The following OXCT1 variants were observed in gnomAD, a reference collection of about 807,000 sequenced individuals.
OXCT1 encodes the protein 3-oxoacid CoA-transferase 1.
Under a neutral mutation model 69.6 loss-of-function variants are expected in OXCT1, and 27 were observed. That is an observed-to-expected ratio of 0.39 (90% CI 0.29 to 0.54). The LOEUF is 0.54. Among genes scored for constraint, OXCT1 ranks in the 20% least tolerant of loss-of-function variants. The pLI is 0.72. For synonymous variants in OXCT1, 202 were observed against 217.8 expected (o/e 0.93, Z 0.64); for missense variants, 437 against 650.2 (o/e 0.67, Z 3.57).
chr5:41,860,114 G>A (rs1331676461), intron 3 of OXCT1, among the ~76,000 whole-genome samples: 1 of 151,798 alleles, frequency 6.6e-6, no homozygotes, highest in Non-Finnish European at 1.5e-5. Context: ...CATAAGATAT[G>A]TTTAAGAGTT....
chr5:41,851,027 C>T (rs1749149964), intron 4 of OXCT1, among the ~76,000 whole-genome samples: 8 of 152,114 alleles, frequency 5.3e-5, no homozygotes. Context: ...TGGGGCTGGA[C>T]ACCATGGCTC....
intron 7 of OXCT1, among the ~76,000 whole-genome samples, chr5:41,826,577 C>G (rs901849340): frequency 4.0e-5 from 6 of 151,846 alleles, no homozygotes; most frequent in African/African-American, 1.5e-4. Context: ...ATTCTAAAGT[C>G]ATTTGTCTAA....
At chr5:41,816,430 T>C (rs991685311) in intron 7 of OXCT1, among the ~76,000 whole-genome samples, 3 of 152,208 alleles carry the variant, frequency 2.0e-5, no homozygotes, top group African/African-American at 7.2e-5. Context: ...AAATGGCTCT[T>C]AGTACAAGTA....
At chr5:41,799,679 C>T (rs917453046) in intron 11 of OXCT1, among the ~76,000 whole-genome samples, 5 of 152,160 alleles carry the variant, frequency 3.3e-5, no homozygotes, top group African/African-American at 4.8e-5. Context: ...TTAAACCAAG[C>T]AGCAAATATT....
In OXCT1 at chr5:41,781,203, T is replaced by C. The variant is rs551347465; in HGVS notation, c.1248+12800A>G. ...CAGGTGTGAGCCACCAAGGCCGGCT[T>C]ACTGTCTCCCATATCTTATTAACCT... On this transcript the variant is annotated intron_variant, in intron 13 of 16. Coordinates refer to ENST00000196371, the MANE Select transcript of OXCT1 (RefSeq NM_000436.4). Among the ~76,000 whole-genome samples, 48 of 152,168 alleles carry C rather than the reference T, an allele frequency of 3.2e-4. 1 individual carries two copies. In the Middle Eastern group the frequency reaches 0.024, roughly 75 times the overall value.
intron 7 of OXCT1, among the ~76,000 whole-genome samples, chr5:41,808,757 C>T (rs1176540836): frequency 1.3e-5 from 2 of 151,996 alleles, no homozygotes; most frequent in African/African-American, 4.8e-5. Flanking sequence ...ATTTTCTATT[C>T]GAGGTGGAGG....
At chr5:41,742,281 T>A (rs1466511755) in intron 15 of OXCT1, among the ~76,000 whole-genome samples, 5 of 152,198 alleles carry the variant, frequency 3.3e-5, no homozygotes, top group Non-Finnish European at 5.9e-5. Flanking sequence ...TTTAGTGATA[T>A]AAGGTGCAAA....
chr5:41,777,605 C>T (rs553766573), intron 13 of OXCT1, among the ~76,000 whole-genome samples: 2 of 152,210 alleles, frequency 1.3e-5, no homozygotes, highest in South Asian at 4.2e-4. Flanking sequence ...TCTTATTGTT[C>T]CTAATCTGTT....
intron 5 of OXCT1, among the ~76,000 whole-genome samples, chr5:41,845,970 A>G (rs900879252): frequency 4.6e-5 from 7 of 152,162 alleles, no homozygotes; most frequent in African/African-American, 1.7e-4. Context: ...CATTTTAAAA[A>G]TATATGCAGT....
intron 7 of OXCT1, 38 bp from the exon 8 acceptor site, chr5:41,807,476 C>G: frequency 8.5e-7 from 1 of 1,173,698 alleles, no homozygotes; most frequent in Non-Finnish European, 1.3e-6. Context: ...TTAGTGAAAG[C>G]TTAAAGTGAA....
chr5:41,739,696 T>C (rs1203635013), intron 15 of OXCT1: 10 of 417,860 alleles, frequency 2.4e-5, no homozygotes, highest in Non-Finnish European at 3.8e-5. Flanking sequence ...AAACCCCGTC[T>C]CTACTAAAAA....
intron 7 of OXCT1, among the ~76,000 whole-genome samples, chr5:41,825,571 C>A (rs1341650245): frequency 6.6e-6 from 1 of 152,156 alleles, no homozygotes; most frequent in African/African-American, 2.4e-5. Flanking sequence ...CATTTTGGAC[C>A]TTAAGTCCCT....
chr5:41,779,795 T>C (rs901953634), intron 13 of OXCT1, among the ~76,000 whole-genome samples: 3 of 151,040 alleles, frequency 2.0e-5, no homozygotes, highest in African/African-American at 7.3e-5. Flanking sequence ...TCCAAGCCTT[T>C]AAAATTTGAA....
chr5:41,787,649 A>AAG (rs1202593240), intron 13 of OXCT1, among the ~76,000 whole-genome samples: 2 of 150,746 alleles, frequency 1.3e-5, no homozygotes, highest in South Asian at 2.1e-4. Flanking sequence ...AAAAAAAAAA[A>AAG]AAAAAAAAAG....
At chr5:41,782,691 T>C (rs1236653995) in intron 13 of OXCT1, among the ~76,000 whole-genome samples, 6 of 152,210 alleles carry the variant, frequency 3.9e-5, no homozygotes, top group African/African-American at 1.4e-4. Flanking sequence ...TCACATTCTG[T>C]AGGTTTTCTG....
At chr5:41,800,122 C>T (rs1746358303) in intron 11 of OXCT1, among the ~76,000 whole-genome samples, 1 of 152,096 alleles carries the variant, frequency 6.6e-6, no homozygotes, top group Non-Finnish European at 1.5e-5. Flanking sequence ...AAGACCTGAC[C>T]TGTTCTTCCT....
intron 13 of OXCT1, among the ~76,000 whole-genome samples, chr5:41,776,216 T>C (rs1745112886): frequency 6.6e-6 from 1 of 152,182 alleles, no homozygotes; most frequent in Non-Finnish European, 1.5e-5. Flanking sequence ...ATCCAGTTAA[T>C]ACTTCAAGAC....
intron 15 of OXCT1, among the ~76,000 whole-genome samples, chr5:41,744,471 G>T (rs192174628): frequency 2.6e-5 from 4 of 152,068 alleles, no homozygotes; most frequent in Non-Finnish European, 5.9e-5. Context: ...TCTCCTGCCT[G>T]ATTGCCCTGG....
chr5:41,846,894 A>G lies in OXCT1; in HGVS notation c.564+3136T>C, dbSNP rs1402305050. On this transcript the variant is annotated intron_variant, in intron 5 of 16. Transcript: ENST00000196371. ...TCTCTGATGGCCAGTGATGGTGAGC[A>G]TTTTTTCATGTTTTTTGGCTGCATA... 6.6e-5 allele frequency among the ~76,000 whole-genome samples: 10 copies of G among 151,898 alleles called. No individual in the cohort carries two copies. The East Asian group carries it at 1.7e-3, about 26-fold the overall frequency.
Sources: allele counts gnomAD v4.1 joint callset (sites outside exome capture counted in the v4.1 genomes callset), GRCh38; gene constraint gnomAD v4.1.1; transcripts MANE v1.5; gene names NCBI Gene and HGNC (gene_info 2026-07-23, HGNC 2026-07-21).